Variants in STAB2 observed in about 807,000 individuals in gnomAD.
STAB2 encodes the protein stabilin 2.
Under a neutral mutation model 338.1 loss-of-function variants are expected in STAB2, and 288 were observed. The observed-to-expected ratio is 0.85, with a 90% confidence interval of 0.77 to 0.94. The LOEUF (loss-of-function observed/expected upper bound fraction) is 0.94, where lower values mean the gene tolerates loss of function less well. STAB2 is among the 40% of genes least tolerant of loss of function. The probability of loss-of-function intolerance (pLI) is 0.00; values close to 1 mark genes in which losing one functional copy is unlikely to be tolerated. For synonymous variants in STAB2, 1,202 were observed against 1,193.3 expected, an observed-to-expected ratio of 1.01 and a Z score of -0.15; for missense variants, 3,141 against 3,210.1, an observed-to-expected ratio of 0.98 and a Z score of 0.52.
chr12:103,712,520 C>A, intron 41 of STAB2, 77 bp downstream of exon 41: 1 of 1,108,686 alleles, frequency 9.0e-7, no homozygotes, highest in South Asian at 1.2e-5. Context: ...TTCCTGCAGT[C>A]TGAATGGGCC....
At chr12:103,735,146 AT>A (rs1413666320) in intron 51 of STAB2, among the ~76,000 whole-genome samples, 2 of 152,172 alleles carry the variant, frequency 1.3e-5, no homozygotes, top group Non-Finnish European at 2.9e-5. Context: ...AGTGCCACCC[AT>A]AACTGCATCC....
At chr12:103,676,406 A>G (rs1425282328) in intron 24 of STAB2, among the ~76,000 whole-genome samples, 1 of 152,086 alleles carries the variant, frequency 6.6e-6, no homozygotes, top group Non-Finnish European at 1.5e-5. Flanking sequence ...GGGTTTTTTT[A>G]GGAAATCCTG....
Position 103,734,231 on chromosome 12 carries a change from A to AGC in STAB2, c.5460+1049_5460+1050insGC, listed in dbSNP as rs1881907250. Among the ~76,000 whole-genome samples the AGC allele has an allele frequency of 6.8e-5, 10 of 147,506 alleles. No individual in the cohort carries two copies. The South Asian group carries it at 1.3e-3, about 19-fold the overall frequency. On this transcript the variant is annotated intron_variant, in intron 51 of 68. Coordinates refer to ENST00000388887, the MANE Select transcript of STAB2 (RefSeq NM_017564.10). Reference sequence around the variant, plus strand: ...GAGCAAGCACGATCACATAGGAGCAAACATCATAAAGGAGCAAGCATGATC... The same window carrying AGC: ...GAGCAAGCACGATCACATAGGAGCAAGCACATCATAAAGGAGCAAGCATGATC...
chr12:103,737,154 C>A (rs986600414), intron 52 of STAB2, among the ~76,000 whole-genome samples: 1 of 152,186 alleles, frequency 6.6e-6, no homozygotes, highest in Non-Finnish European at 1.5e-5. Context: ...AAGTTCATCC[C>A]TAACCACAGC....
chr12:103,639,023 G>T (rs537055284), intron 8 of STAB2, among the ~76,000 whole-genome samples: 1 of 152,268 alleles, frequency 6.6e-6, no homozygotes, highest in African/African-American at 2.4e-5. Flanking sequence ...AAAGAGAAAG[G>T]ATATATTATG....
intron 1 of STAB2, among the ~76,000 whole-genome samples, chr12:103,590,552 T>C (rs2138524272): frequency 6.6e-6 from 1 of 152,320 alleles, no homozygotes; most frequent in Middle Eastern, 3.4e-3. Context: ...CACTTGAGAG[T>C]GTATTCTGCC....
At chr12:103,692,720 T>C (rs1020284186) in intron 30 of STAB2, 92 bp from the exon 31 acceptor site, 121 of 1,043,266 alleles carry the variant, frequency 1.2e-4, no homozygotes, top group Middle Eastern at 2.1e-4. Context: ...TGAAGGTCAC[T>C]GCTGCTCAAA....
rs142231353 is a variant in STAB2 at position 103,694,915 on chromosome 12, A to G, written c.3376-635A>G. On this transcript the variant is annotated intron_variant, in intron 31 of 68. Transcript: ENST00000388887. ...AAGGAGTATGTCCCAAGTAGAAGAC[A>G]TTAGGGAGTGGTGGAGCCTATAATG... Among the ~76,000 whole-genome samples the G allele has an allele frequency of 3.3e-3, 504 of 152,172 alleles. 1 individual carries two copies. The highest frequency in any genetic ancestry group is 6.0e-3 in the Non-Finnish European group (405 of 68,004).
At chr12:103,645,459 A>G (rs1873260871) in intron 9 of STAB2, among the ~76,000 whole-genome samples, 1 of 152,212 alleles carries the variant, frequency 6.6e-6, no homozygotes, top group African/African-American at 2.4e-5. Flanking sequence ...CCACCTAACA[A>G]CTCAAGAAAC....
At chr12:103,605,134 A>G (rs1957008338) in intron 3 of STAB2, among the ~76,000 whole-genome samples, 1 of 151,884 alleles carries the variant, frequency 6.6e-6, no homozygotes, top group African/African-American at 2.4e-5. Context: ...TTACTTCCAA[A>G]TAGAATAATT....
intron 57 of STAB2, 63 bp downstream of exon 57, chr12:103,745,340 T>C (rs1264428765): frequency 9.6e-6 from 14 of 1,456,004 alleles, no homozygotes; most frequent in Non-Finnish European, 2.8e-6. Flanking sequence ...GCCAAGAGCA[T>C]ACAAGTGAGG....
intron 67 of STAB2, among the ~76,000 whole-genome samples, chr12:103,763,134 C>T (rs925860084): frequency 7.2e-5 from 11 of 152,164 alleles, no homozygotes; most frequent in Non-Finnish European, 1.3e-4. Context: ...TGTATGACTG[C>T]ATTTATATTA....
chr12:103,748,418 T>C (rs992929373), intron 58 of STAB2, among the ~76,000 whole-genome samples: 11 of 152,288 alleles, frequency 7.2e-5, no homozygotes, highest in Admixed American at 6.5e-4. Context: ...GAGGAAAGCA[T>C]GGATTTTTGG....
At position 103,660,372 on chromosome 12, in the gene STAB2, C is replaced by T. The variant is rs751295881; in HGVS notation, c.1776C>T (p.Val592=). The T allele has an allele frequency of 1.2e-6, 2 of 1,614,148 alleles. No individual in the cohort carries two copies. The highest frequency in any genetic ancestry group is 2.2e-5 in the East Asian group (1 of 44,878). The change falls in exon 16 of 69, where the codon GTC becomes GTT. Residue 592 remains valine, a synonymous_variant. Transcript: ENST00000388887. ...KLLELVRYHI[V]PFTQLEVATL... Reference sequence around the variant, plus strand: ...TGGAACTCGTCAGATACCACATTGTCCCATTTACCCAGGTTGGCCCCACTT... The same window carrying T: ...TGGAACTCGTCAGATACCACATTGTTCCATTTACCCAGGTTGGCCCCACTT...
intron 40 of STAB2, 126 bp from the exon 41 acceptor site, chr12:103,712,241 A>T: frequency 1.3e-6 from 1 of 770,944 alleles, no homozygotes; most frequent in Non-Finnish European, 2.4e-6. Context: ...CCCAAGCCTT[A>T]GGCAGGACTT....
At chr12:103,685,515 A>G (rs1371103749) in intron 27 of STAB2, among the ~76,000 whole-genome samples, 1 of 151,734 alleles carries the variant, frequency 6.6e-6, no homozygotes, top group Non-Finnish European at 1.5e-5. Context: ...TCTTTATGCC[A>G]GGCGTCTTGC....
chr12:103,672,624 G>A (rs1359381006), intron 22 of STAB2, among the ~76,000 whole-genome samples: 2 of 152,066 alleles, frequency 1.3e-5, no homozygotes, highest in Non-Finnish European at 2.9e-5. Context: ...GTCCCTTCTG[G>A]GGTGAAACTC....
chr12:103,736,705 A>G (rs187619939), intron 52 of STAB2, among the ~76,000 whole-genome samples: 2 of 152,064 alleles, frequency 1.3e-5, no homozygotes, highest in Admixed American at 1.3e-4. Flanking sequence ...AAAACAATGA[A>G]CCTCAGAGAG....
chr12:103,715,719 T>C (rs10861078), intron 42 of STAB2, 96 bp from the exon 43 acceptor site: 234,779 of 1,407,736 alleles, frequency 0.17, 28,262 homozygotes, highest in African/African-American at 0.62. Context: ...ACCCGCTCCC[T>C]TCAGTCAGTT....
Sources: gnomAD v4.1 joint callset for allele counts (sites outside exome capture counted in the v4.1 genomes callset) on GRCh38, gnomAD v4.1.1 for gene constraint, MANE v1.5 for transcripts, NCBI Gene and HGNC (gene_info 2026-07-23, HGNC 2026-07-21) for gene names.